The following TLN2 variants were observed in gnomAD, a reference collection of about 807,000 sequenced individuals.
The protein encoded by TLN2 is talin 2.
TLN2 carries 118 observed loss-of-function variants against 294.7 expected under a neutral mutation model. The observed-to-expected ratio is 0.40, with a 90% CI of 0.34 to 0.47. The LOEUF is 0.47. Ranked by LOEUF, TLN2 falls within the 20% of genes least tolerant of loss-of-function variation. The pLI is 0.84. For synonymous variants in TLN2, 1,431 were observed against 1,304.5 expected, an observed-to-expected ratio of 1.10 and a Z score of -2.09; for missense variants, 3,083 against 3,282.2, an observed-to-expected ratio of 0.94 and a Z score of 1.48.
At chr15:62,825,826 TATAATATATA>T (rs1567687796) in intron 54 of TLN2, among the ~76,000 whole-genome samples, 1 of 7,554 alleles carries the variant, frequency 1.3e-4, no homozygotes, top group East Asian at 8.6e-3. Context: ...TAATATATAT[TATAATATATA>T]ATATATATAA....
At chr15:62,635,444 A>G (rs570839415) in intron 3 of TLN2, among the ~76,000 whole-genome samples, 1 of 152,344 alleles carries the variant, frequency 6.6e-6, no homozygotes, top group East Asian at 1.9e-4. Flanking sequence ...AGAGTTTACA[A>G]TACTGTGGGG....
intron 1 of TLN2, among the ~76,000 whole-genome samples, chr15:62,414,187 T>A (rs1259480414): frequency 1.5e-4 from 19 of 126,036 alleles, no homozygotes; most frequent in African/African-American, 5.2e-4. Context: ...TATATATATA[T>A]ATATAATTTG....
intron 28 of TLN2, among the ~76,000 whole-genome samples, chr15:62,728,435 T>A (rs887565453): frequency 1.4e-4 from 22 of 152,226 alleles, no homozygotes; most frequent in African/African-American, 5.3e-4. Context: ...CGTTGTTTAG[T>A]GAACATAGTA....
rs559411025 is a variant in TLN2, at chr15:62,600,976, C to T, written c.-162+11214C>T. On this transcript the variant is annotated intron_variant, in intron 2 of 58. Coordinates refer to ENST00000636159, the MANE Select transcript of TLN2 (RefSeq NM_015059.3). ...CTCAATTGTCTTATTTTTTACGTTT[C>T]CTTAAATCAGGATCCAAATGAGACT... Among the ~76,000 whole-genome samples the T allele has an allele frequency of 2.0e-5, 3 of 152,210 alleles. No individual in the cohort carries two copies. In the East Asian group the frequency reaches 5.8e-4, roughly 29 times the overall value.
chr15:62,637,312 T>G (rs888991876), intron 3 of TLN2: 8 of 152,204 alleles, frequency 5.3e-5, no homozygotes, highest in Admixed American at 2.0e-4. Flanking sequence ...GAATTCAAAG[T>G]CAGAGTTCAG....
intron 1 of TLN2, among the ~76,000 whole-genome samples, chr15:62,485,081 ATC>A (rs1054994824): frequency 3.3e-5 from 5 of 152,114 alleles, no homozygotes; most frequent in Non-Finnish European, 5.9e-5. Flanking sequence ...GCTATGTGGT[ATC>A]TCTCTCTGAC....
chr15:62,719,834 T>C lies in TLN2; in HGVS notation c.2945T>C (p.Leu982Pro). The C allele has an allele frequency of 6.2e-7, 1 of 1,612,556 alleles. No homozygotes were observed. Among genetic ancestry groups the C allele is most frequent in the Non-Finnish European group, 8.5e-7 (1 of 1,179,278 alleles). ...GGGAGCCAAGCTCAAGCTGAAGACC[T>C]GAGTGCCCAGCTGGCTCTCATCATC... ...VRGSQAQAED[L>P]SAQLALIISS... The change falls in exon 25 of 59, where the codon CTG becomes CCG. Residue 982 changes from leucine to proline, a missense_variant. Transcript: ENST00000636159.
intron 4 of TLN2, chr15:62,649,873 C>T (rs1301289330): frequency 9.7e-6 from 5 of 515,426 alleles, no homozygotes; most frequent in Non-Finnish European, 1.4e-5. Flanking sequence ...AAACACGGAC[C>T]TTATTTGTGG....
rs113702811 is a variant in TLN2 at position 62,750,556 on chromosome 15, C to T, written c.4209+65C>T. 5.0e-5 allele frequency: 71 copies of T among 1,407,642 alleles called. No individual in the cohort carries two copies. In the East Asian group the frequency reaches 5.5e-4, roughly 11 times the overall value. 87.2% of individuals were successfully genotyped at this position (1,407,642 alleles called of 1,614,324 possible). On this transcript the variant is annotated intron_variant, in intron 34 of 58. Coordinates refer to ENST00000636159, the MANE Select transcript of TLN2 (RefSeq NM_015059.3). ...TTGTCAATGTGGGGAGAAGTTTAGA[C>T]GTGCCTTCTGTGCATCTGCCTGTGG...
intron 12 of TLN2, chr15:62,690,293 C>G (rs1484164989): frequency 6.7e-6 from 1 of 149,152 alleles, no homozygotes; most frequent in Non-Finnish European, 1.3e-5. Flanking sequence ...ACTTCTCAGA[C>G]GGGGCGGCCG....
chr15:62,800,721 C>T lies in TLN2; in HGVS notation c.6429C>T (p.Gly2143=). 6.2e-7 allele frequency: 1 copy of T among 1,613,884 alleles called. No individual in the cohort carries two copies. The highest frequency in any genetic ancestry group is 8.5e-7 in the Non-Finnish European group (1 of 1,179,900). The part of the protein sequence containing the change: ...VKAVEDEATR[G]TRALEATIEC... Reference sequence around the variant, plus strand: ...CAGTGGAGGATGAGGCCACCCGGGGCACCAGGGCGCTTGAGGCCACAATTG... The same window carrying T: ...CAGTGGAGGATGAGGCCACCCGGGGTACCAGGGCGCTTGAGGCCACAATTG... Residue 2143 remains glycine, a synonymous_variant, in exon 50 of 59, where the codon GGC becomes GGT. Coordinates refer to ENST00000636159, the MANE Select transcript of TLN2 (RefSeq NM_015059.3).
At chr15:62,593,900 GCTGTGATGTAAA>G (rs1450460906) in intron 2 of TLN2, among the ~76,000 whole-genome samples, 4 of 152,178 alleles carry the variant, frequency 2.6e-5, no homozygotes, top group Non-Finnish European at 5.9e-5. Context: ...AAATCCTGCT[GCTGTGATGTAAA>G]CAATGATCTT....
At chr15:62,697,935 G>C in intron 15 of TLN2, 67 bp downstream of exon 15, 1 of 1,555,118 alleles carries the variant, frequency 6.4e-7, no homozygotes, top group Admixed American at 1.9e-5. Context: ...GTGGACACCA[G>C]CGGCGGTGAT....
chr15:62,503,645 G>A (rs1439167018), intron 1 of TLN2, among the ~76,000 whole-genome samples: 1 of 152,228 alleles, frequency 6.6e-6, no homozygotes, highest in South Asian at 2.1e-4. Context: ...GCTGTGCTCT[G>A]TGGACCTCCT....
At chr15:62,392,434 T>G (rs1374985746) in intron 1 of TLN2, among the ~76,000 whole-genome samples, 1 of 152,192 alleles carries the variant, frequency 6.6e-6, no homozygotes, top group Non-Finnish European at 1.5e-5. Context: ...TACTTTTCCA[T>G]TAATAATACC....
At chr15:62,447,275 A>G (rs1046377723) in intron 1 of TLN2, among the ~76,000 whole-genome samples, 2 of 152,086 alleles carry the variant, frequency 1.3e-5, no homozygotes, top group African/African-American at 4.8e-5. Context: ...TGAGAGAGGT[A>G]GTTTCGACCT....
intron 1 of TLN2, among the ~76,000 whole-genome samples, chr15:62,540,009 G>A (rs573432686): frequency 1.3e-5 from 2 of 151,592 alleles, no homozygotes; most frequent in African/African-American, 4.8e-5. Flanking sequence ...AAATTCAAAC[G>A]AACTCATCAC....
At chr15:62,559,259 G>A (rs962246659) in intron 1 of TLN2, among the ~76,000 whole-genome samples, 1 of 152,186 alleles carries the variant, frequency 6.6e-6, no homozygotes, top group Non-Finnish European at 1.5e-5. Context: ...CGAAAATTGA[G>A]GCGGGAGAGC....
intron 11 of TLN2, among the ~76,000 whole-genome samples, chr15:62,676,220 C>T (rs769978897): frequency 5.9e-5 from 9 of 152,138 alleles, no homozygotes; most frequent in Non-Finnish European, 1.0e-4. Context: ...TTTTCTTGAC[C>T]CCACTCCTCA....
Sources: gnomAD v4.1 joint callset for allele counts (sites outside exome capture counted in the v4.1 genomes callset) on GRCh38, gnomAD v4.1.1 for gene constraint, MANE v1.5 for transcripts, NCBI Gene and HGNC (gene_info 2026-07-23, HGNC 2026-07-21) for gene names.